NCKAP5L: variants seen among roughly 807,000 people sequenced by gnomAD.
The protein encoded by NCKAP5L is NCK associated protein 5 like.
In NCKAP5L, 54 loss-of-function variants were observed where a neutral mutation model predicts 103.2. The observed-to-expected ratio is 0.52, with a 90% CI of 0.42 to 0.66. NCKAP5L has a LOEUF of 0.66. Among genes scored for constraint, NCKAP5L ranks in the 30% least tolerant of loss-of-function variants. The pLI, the probability that NCKAP5L is intolerant of heterozygous loss-of-function variation, is 0.00. For synonymous variants in NCKAP5L, 762 were observed against 748.6 expected (o/e 1.02, Z -0.29); for missense variants, 1,733 against 1,750.6 (o/e 0.99, Z 0.18).
At chr12:49,816,777 A>G (rs1946303138) in intron 1 of NCKAP5L, among the ~76,000 whole-genome samples, 1 of 150,430 alleles carries the variant, frequency 6.6e-6, no homozygotes. Context: ...AGCCTGGGTG[A>G]CAGAGTGAGA....
chr12:49,817,845 C>A (rs1946315407), intron 1 of NCKAP5L, among the ~76,000 whole-genome samples: 1 of 152,110 alleles, frequency 6.6e-6, no homozygotes. Flanking sequence ...AAAACTTAAA[C>A]CTGGCCGGGC....
At position 49,806,193 on chromosome 12, in the gene NCKAP5L, T is replaced by C. The variant is rs553299189; in HGVS notation, c.-98-152A>G. ...GAGGCCGACAATGTACAGCGTTGGG[T>C]TGTGATAAGGCACTGAGAGATGACA... is the stretch of plus-strand genomic sequence containing the variant. On this transcript the variant is annotated intron_variant, in intron 1 of 12. Transcript: ENST00000335999. 2.9e-4 allele frequency among the ~76,000 whole-genome samples: 44 copies of C among 152,184 alleles called. No homozygotes were observed. Among genetic ancestry groups the C allele is most frequent in the Non-Finnish European group, 5.9e-4 (40 of 68,004 alleles).
At chr12:49,808,911 T>G (rs1333316124) in intron 1 of NCKAP5L, among the ~76,000 whole-genome samples, 1 of 152,132 alleles carries the variant, frequency 6.6e-6, no homozygotes, top group Non-Finnish European at 1.5e-5. Context: ...TAACTTGAAC[T>G]GGAGGCTTCT....
chr12:49,801,972 C>T lies in NCKAP5L; in HGVS notation c.232-5G>A. 3.1e-6 allele frequency: 5 copies of T among 1,613,556 alleles called. No individual in the cohort carries two copies. Among genetic ancestry groups the T allele is most frequent in the South Asian group, 1.1e-5 (1 of 91,078 alleles). ...GATGCACTCCTCTCGCAGGTCCTGCCGCCCACCCCGGGAAGTGCAGGAAGA... is the reference window on the plus strand; with the variant it reads ...GATGCACTCCTCTCGCAGGTCCTGCTGCCCACCCCGGGAAGTGCAGGAAGA... On this transcript the variant is annotated splice_region_variant and splice_polypyrimidine_tract_variant and intron_variant, in intron 5 of 12. Coordinates refer to ENST00000335999, the MANE Select transcript of NCKAP5L (RefSeq NM_001037806.4).
At chr12:49,816,596 G>A (rs930433725) in intron 1 of NCKAP5L, among the ~76,000 whole-genome samples, 1 of 150,842 alleles carries the variant, frequency 6.6e-6, no homozygotes, top group African/African-American at 2.4e-5. Context: ...TCAGGAGTTC[G>A]AGTCCAGCCT....
In NCKAP5L at chr12:49,796,430, C is replaced by T. The variant is rs1177565593; in HGVS notation, c.1430G>A (p.Ser477Asn). 6.4e-7 allele frequency: 1 copy of T among 1,555,850 alleles called. No individual in the cohort carries two copies. Among genetic ancestry groups the T allele is most frequent in the Admixed American group, 1.9e-5 (1 of 51,500 alleles). ...KSPSPGGPQL[S>N]PQLPRNSRIP... ...TCGCGAGTTCCGGGGGAGCTGGGGA[C>T]TGAGCTGCGGGCCTCCTGGGCTGGG... Residue 477 changes from serine to asparagine, a missense_variant, in exon 8 of 13, where the codon AGT becomes AAT. Coordinates refer to ENST00000335999, the MANE Select transcript of NCKAP5L (RefSeq NM_001037806.4).
rs906217130 is a variant in NCKAP5L at position 49,791,388 on chromosome 12, G to C, written c.*451C>G. 2 of 157,052 alleles carry C rather than the reference G, an allele frequency of 1.3e-5. No individual in the cohort carries two copies. The highest frequency in any genetic ancestry group is 2.4e-5 in the African/African-American group (1 of 41,544). 9.7% of individuals were successfully genotyped at this position (157,052 alleles called of 1,614,324 possible). On this transcript the variant is annotated 3_prime_UTR_variant, in exon 13 of 13. Coordinates refer to ENST00000335999, the MANE Select transcript of NCKAP5L (RefSeq NM_001037806.4). ...GGGAGGACCAGGGCAGAGAGAGAAG[G>C]CAACTTGTCCCCCTGGCCCCCAAAC... is the stretch of plus-strand genomic sequence containing the variant.
At chr12:49,823,297 G>A (rs1268985967) in intron 1 of NCKAP5L, among the ~76,000 whole-genome samples, 1 of 152,124 alleles carries the variant, frequency 6.6e-6, no homozygotes, top group Non-Finnish European at 1.5e-5. Context: ...TGGTGCTGCT[G>A]TGGGCAGGTT....
chr12:49,823,973 G>A (rs1373572607), intron 1 of NCKAP5L, among the ~76,000 whole-genome samples: 2 of 152,208 alleles, frequency 1.3e-5, no homozygotes, highest in East Asian at 3.9e-4. Flanking sequence ...AGGCGCCGAG[G>A]GCTGCTGGGC....
chr12:49,811,548 T>A (rs1946240243), intron 1 of NCKAP5L, among the ~76,000 whole-genome samples: 1 of 152,098 alleles, frequency 6.6e-6, no homozygotes, highest in African/African-American at 2.4e-5. Flanking sequence ...ATTTACGTCT[T>A]CAGTATCTAC....
At chr12:49,813,583 A>G (rs1303409944) in intron 1 of NCKAP5L, among the ~76,000 whole-genome samples, 3 of 152,102 alleles carry the variant, frequency 2.0e-5, no homozygotes, top group East Asian at 3.8e-4. Flanking sequence ...GCTGAAGTGC[A>G]GTGGCGCGAT....
chr12:49,793,734 C>T lies in NCKAP5L; in HGVS notation c.3258G>A (p.Lys1086=), dbSNP rs750167957. ...PLQGCGKPPG[K]PSSEPGRREE... ...CCCAGTCCCTACCCCAAGAACTTAC[C>T]TTTCCAGGAGGTTTTCCGCAGCCCT... Residue 1086 remains lysine, a splice_region_variant and synonymous_variant, in exon 9 of 13, where the codon AAG becomes AAA. Coordinates refer to ENST00000335999, the MANE Select transcript of NCKAP5L (RefSeq NM_001037806.4). 4 of 1,549,304 alleles carry T rather than the reference C, an allele frequency of 2.6e-6. No homozygotes were observed. Among genetic ancestry groups the T allele is most frequent in the Non-Finnish European group, 3.5e-6 (4 of 1,147,984 alleles).
At chr12:49,804,556 G>C (rs1409625880) in intron 2 of NCKAP5L, 1 of 152,288 alleles carries the variant, frequency 6.6e-6, no homozygotes, top group Non-Finnish European at 1.5e-5. Flanking sequence ...TTTGTCCTGG[G>C]CATCGGTGAT....
At chr12:49,800,022 C>T (rs1229525120) in intron 6 of NCKAP5L, among the ~76,000 whole-genome samples, 1 of 152,202 alleles carries the variant, frequency 6.6e-6, no homozygotes, top group Non-Finnish European at 1.5e-5. Flanking sequence ...ATGGAGAAAT[C>T]CTGTCTCTAC....
At chr12:49,793,012 T>G (rs763065126) in intron 10 of NCKAP5L, 26 bp from the exon 11 acceptor site, 3 of 1,489,148 alleles carry the variant, frequency 2.0e-6, no homozygotes, top group Admixed American at 4.3e-5. Flanking sequence ...GAGGGCCCGT[T>G]AAGAGTGTGA....
chr12:49,827,100 G>A lies in NCKAP5L; in HGVS notation c.-99+1222C>T, dbSNP rs540973575. Among the ~76,000 whole-genome samples the A allele has an allele frequency of 3.3e-5, 5 of 152,290 alleles. No homozygotes were observed. In the South Asian group the frequency reaches 6.2e-4, roughly 19 times the overall value. On this transcript the variant is annotated intron_variant, in intron 1 of 12. Coordinates refer to ENST00000335999, the MANE Select transcript of NCKAP5L (RefSeq NM_001037806.4). ...AAGGAGTCTCAGAGAGCCAGATGGCGTAATGTCTGCAAGGGAGGGTCTGCA... is the reference window on the plus strand; with the variant it reads ...AAGGAGTCTCAGAGAGCCAGATGGCATAATGTCTGCAAGGGAGGGTCTGCA...
At chr12:49,807,910 G>C (rs1470937273) in intron 1 of NCKAP5L, among the ~76,000 whole-genome samples, 3 of 152,242 alleles carry the variant, frequency 2.0e-5, no homozygotes, top group Non-Finnish European at 4.4e-5. Flanking sequence ...GGAATGGGAT[G>C]AAGAAGGCAG....
Position 49,792,933 on chromosome 12 carries a change from G to A in NCKAP5L, c.3394C>T (p.Pro1132Ser), listed in dbSNP as rs372563151. Residue 1132 changes from proline (P) to serine (S), a missense_variant, in exon 11 of 13, where the codon CCA becomes TCA. Transcript: ENST00000335999. The surrounding 1 kb of genome is among the most constrained non-coding windows in gnomAD (Gnocchi z 4.5). ...GGGGTCCCACTGCTACCATGGTCTG[G>A]GGGTGGGAAGGTCCCAATGCCACTG... ...LDSGIGTFPP[P>S]DHGSSGTPSK... 6.4e-6 allele frequency: 10 copies of A among 1,558,370 alleles called. No homozygotes were observed. The highest frequency in any genetic ancestry group is 8.6e-6 in the Non-Finnish European group (10 of 1,160,080).
chr12:49,809,734 G>C (rs1369918559), intron 1 of NCKAP5L, among the ~76,000 whole-genome samples: 1 of 152,160 alleles, frequency 6.6e-6, no homozygotes, highest in African/African-American at 2.4e-5. Context: ...TAGGAGGACT[G>C]AGGCCTGGCT....
Sources: allele counts gnomAD v4.1 joint callset (sites outside exome capture counted in the v4.1 genomes callset), GRCh38; gene constraint gnomAD v4.1.1; non-coding constraint Gnocchi (gnomAD v3.1); transcripts MANE v1.5; gene names NCBI Gene and HGNC (gene_info 2026-07-23, HGNC 2026-07-21).